REDIC1: variants seen among roughly 807,000 people sequenced by gnomAD.
REDIC1 encodes the protein regulator of DNA class I crossover intermediates 1, also known as HEI10 Interacting Protein 1.
the REDIC1 span, among the ~76,000 whole-genome samples, chr12:39,720,073 G>T: frequency 6.6e-6 from 1 of 151,740 alleles, no homozygotes; most frequent in Non-Finnish European, 1.5e-5. Flanking sequence ...GTAATTAAAA[G>T]AAATTTTTCA....
chr12:39,871,862 T>A, the REDIC1 span: 1 of 1,612,652 alleles, frequency 6.2e-7, no homozygotes, highest in Non-Finnish European at 8.5e-7. Flanking sequence ...CTCCCACAAG[T>A]GTGAAAATGA....
chr12:39,738,467 A>C, the REDIC1 span, among the ~76,000 whole-genome samples: 2 of 152,172 alleles, frequency 1.3e-5, no homozygotes, highest in Non-Finnish European at 2.9e-5. Flanking sequence ...ACTCATCCAC[A>C]CCCGGTTGCC....
the REDIC1 span, among the ~76,000 whole-genome samples, chr12:39,698,326 A>C: frequency 6.6e-6 from 1 of 152,160 alleles, no homozygotes; most frequent in East Asian, 1.9e-4. Context: ...CCCAACACTG[A>C]AGCACCCAGA....
the REDIC1 span, among the ~76,000 whole-genome samples, chr12:39,797,437 T>C: frequency 6.6e-6 from 1 of 152,192 alleles, no homozygotes; most frequent in African/African-American, 2.4e-5. Flanking sequence ...CAGAATATGG[T>C]TTTCTATTTT....
chr12:39,713,459 T>A, the REDIC1 span, among the ~76,000 whole-genome samples: 1 of 148,380 alleles, frequency 6.7e-6, no homozygotes, highest in Non-Finnish European at 1.5e-5. Context: ...TATACATACA[T>A]TTGTATATAT....
the REDIC1 span, among the ~76,000 whole-genome samples, chr12:39,667,658 C>G: frequency 6.6e-6 from 1 of 152,138 alleles, no homozygotes; most frequent in Non-Finnish European, 1.5e-5. Context: ...CTAATGTTGA[C>G]AGTGGGGTGT....
chr12:39,690,775 A>G, the REDIC1 span, among the ~76,000 whole-genome samples: 8 of 152,180 alleles, frequency 5.3e-5, no homozygotes, highest in African/African-American at 1.9e-4. Context: ...AAAAGAGAAA[A>G]ATAGGAGATG....
chr12:39,785,852 C>T, the REDIC1 span, among the ~76,000 whole-genome samples: 2 of 152,178 alleles, frequency 1.3e-5, no homozygotes, highest in African/African-American at 4.8e-5. Flanking sequence ...TTTGGACTTG[C>T]ATGGGGCCTA....
the REDIC1 span, among the ~76,000 whole-genome samples, chr12:39,683,967 G>A: frequency 3.2e-4 from 48 of 152,184 alleles, 1 homozygote; most frequent in South Asian, 7.5e-3. Flanking sequence ...CAGTTTATAG[G>A]ACAGTGTACA....
At chr12:39,801,357 A>G in the REDIC1 span, among the ~76,000 whole-genome samples, 65 of 141,514 alleles carry the variant, frequency 4.6e-4, no homozygotes, top group South Asian at 6.1e-3. Flanking sequence ...AAAAAAAAAA[A>G]AAAGAAAGAA....
chr12:39,839,953 T>C, the REDIC1 span, among the ~76,000 whole-genome samples: 1 of 152,128 alleles, frequency 6.6e-6, no homozygotes, highest in Non-Finnish European at 1.5e-5. Context: ...TTGCAGAACA[T>C]TCATATTTAA....
chr12:39,713,610 A>T, the REDIC1 span, among the ~76,000 whole-genome samples: 1 of 149,152 alleles, frequency 6.7e-6, no homozygotes, highest in Non-Finnish European at 1.5e-5. Context: ...ATATATACAT[A>T]TGTATATACG....
At chr12:39,704,318 A>G in the REDIC1 span, among the ~76,000 whole-genome samples, 120,369 of 151,864 alleles carry the variant, frequency 0.79, 48,425 homozygotes, top group Non-Finnish European at 0.86. Flanking sequence ...AACACATGAA[A>G]AAATGCTCAC....
the REDIC1 span, among the ~76,000 whole-genome samples, chr12:39,751,500 C>T: frequency 2.6e-5 from 4 of 152,144 alleles, no homozygotes; most frequent in South Asian, 2.1e-4. Flanking sequence ...GTGGCGATTC[C>T]TCAAGGATCT....
chr12:39,808,408 C>T, the REDIC1 span, among the ~76,000 whole-genome samples: 1 of 152,082 alleles, frequency 6.6e-6, no homozygotes. Flanking sequence ...CTGCTATAAA[C>T]GACTGTGTAG....
the REDIC1 span, among the ~76,000 whole-genome samples, chr12:39,897,881 AT>A: frequency 2.0e-5 from 3 of 152,084 alleles, no homozygotes; most frequent in African/African-American, 4.8e-5. Context: ...ATACATAAAA[AT>A]ACAATATATA....
chr12:39,881,954 A>T, the REDIC1 span, among the ~76,000 whole-genome samples: 3 of 151,966 alleles, frequency 2.0e-5, no homozygotes, highest in Middle Eastern at 3.4e-3. Flanking sequence ...TCCACACAAC[A>T]TCTGAGTCTC....
chr12:39,799,065 G>GT, the REDIC1 span, among the ~76,000 whole-genome samples: 1,015 of 129,004 alleles, frequency 7.9e-3, 5 homozygotes, highest in African/African-American at 0.014. Context: ...TACTGTTCTG[G>GT]TTTTTTTTTT....
At chr12:39,827,510 T>C in the REDIC1 span, among the ~76,000 whole-genome samples, 2 of 152,140 alleles carry the variant, frequency 1.3e-5, no homozygotes, top group South Asian at 4.1e-4. Context: ...AATATTCCCA[T>C]GTGGGCTCAC....
Sources: allele counts gnomAD v4.1 joint callset (sites outside exome capture counted in the v4.1 genomes callset), GRCh38; gene constraint gnomAD v4.1.1; transcripts MANE v1.5; gene names NCBI Gene and HGNC (gene_info 2026-07-23, HGNC 2026-07-21).